The following DDB1 variants were observed in gnomAD, a reference collection of about 807,000 sequenced individuals.
DDB1 encodes the protein damage specific DNA binding protein 1, also known as DNA damage-binding protein 1.
In DDB1, 18 loss-of-function variants were observed where a neutral mutation model predicts 133.1. That is an observed-to-expected ratio of 0.14 (90% CI 0.09 to 0.20). DDB1 has a LOEUF of 0.20. DDB1 is among the 10% of genes least tolerant of loss of function. The pLI, the probability that DDB1 is intolerant of heterozygous loss-of-function variation, is 1.00. For synonymous variants in DDB1, 580 were observed against 550.5 expected (o/e 1.05, Z -0.75); for missense variants, 828 against 1,459.2 (o/e 0.57, Z 7.05).
At chr11:61,329,225 T>C (rs1434047008) in intron 4 of DDB1, 138 bp downstream of exon 4, 2 of 788,790 alleles carry the variant, frequency 2.5e-6, no homozygotes, top group Non-Finnish European at 4.3e-6. Context: ...CCATATTAAT[T>C]GTGTTGTTCA....
chr11:61,329,229 T>C (rs978804844), intron 4 of DDB1, 134 bp downstream of exon 4: 1 of 818,920 alleles, frequency 1.2e-6, no homozygotes, highest in Non-Finnish European at 2.0e-6. Flanking sequence ...ATTAATTGTG[T>C]TGTTCAAAAC....
At chr11:61,321,263 T>C (rs1856173103) in intron 10 of DDB1, 1 of 178,246 alleles carries the variant, frequency 5.6e-6, no homozygotes, top group African/African-American at 2.4e-5. Context: ...ACATTTATAC[T>C]TATATCTTCA....
intron 1 of DDB1, chr11:61,332,056 C>T (rs999463808): frequency 3.3e-5 from 6 of 181,216 alleles, no homozygotes; most frequent in Admixed American, 5.5e-5. Context: ...TTCACTTCTT[C>T]CAGTCTTCAT....
Position 61,310,418 on chromosome 11 carries a change from C to A in DDB1, c.2278G>T (p.Ala760Ser). The change falls in exon 19 of 27, where the codon GCT becomes TCT. Residue 760 changes from alanine to serine, a missense_variant and splice_region_variant. Coordinates refer to ENST00000301764, the MANE Select transcript of DDB1 (RefSeq NM_001923.5). The part of the protein sequence containing the change: ...TALRPSASTQ[A>S]LSSSVSSSKL... ...CTGGAGCTTACACTGCTGGACAGAG[C>A]CTGCAAACAGAGAGAATGCACATCA... is the stretch of plus-strand genomic sequence containing the variant. 2 of 1,596,524 alleles carry A rather than the reference C, an allele frequency of 1.3e-6. No individual in the cohort carries two copies. Among genetic ancestry groups the A allele is most frequent in the Non-Finnish European group, 1.7e-6 (2 of 1,173,400 alleles).
Position 61,324,118 on chromosome 11 carries a change from T to C in DDB1, c.782A>G (p.His261Arg). 6.2e-7 allele frequency: 1 copy of C among 1,614,136 alleles called. No homozygotes were observed. The highest frequency in any genetic ancestry group is 8.5e-7 in the Non-Finnish European group (1 of 1,180,018). The change falls in exon 7 of 27, where the codon CAC (histidine) becomes CGC (arginine). Residue 261 changes from histidine to arginine, a missense_variant. His to Arg is a conservative substitution (Grantham distance 29). This residue lies in a region of DDB1 where 210 missense variants were observed against 344.8 expected (regional missense o/e 0.61). Coordinates refer to ENST00000301764, the MANE Select transcript of DDB1 (RefSeq NM_001923.5). The part of the protein sequence containing the change: ...PIIKQSTIVC[H>R]NRVDPNGSRY... Reference sequence around the variant, plus strand: ...TGAGCCATTAGGGTCCACTCGATTGTGGCACACAATCGTGCTTTGCTGCCA... The same window carrying C: ...TGAGCCATTAGGGTCCACTCGATTGCGGCACACAATCGTGCTTTGCTGCCA...
chr11:61,303,247 G>A, intron 22 of DDB1, 92 bp from the exon 23 acceptor site: 1 of 1,130,570 alleles, frequency 8.8e-7, no homozygotes, highest in Non-Finnish European at 1.3e-6. Context: ...TCAGGAGCAA[G>A]GCCCCACCCT....
chr11:61,321,816 T>C (rs1856184908), intron 9 of DDB1, 119 bp from the exon 10 acceptor site: 3 of 864,856 alleles, frequency 3.5e-6, no homozygotes, highest in East Asian at 4.9e-5. Flanking sequence ...GGGGCTAGGT[T>C]TGAGGATGCA....
At chr11:61,329,302 C>CA in intron 4 of DDB1, 61 bp downstream of exon 4, 1 of 1,522,334 alleles carries the variant, frequency 6.6e-7, no homozygotes, top group Non-Finnish European at 9.1e-7. Context: ...TGCCAGTTAG[C>CA]AAAAACAACT....
chr11:61,331,503 C>G, intron 2 of DDB1, 40 bp downstream of exon 2: 1 of 1,597,656 alleles, frequency 6.3e-7, no homozygotes, highest in Non-Finnish European at 8.6e-7. Context: ...CTACGACCAA[C>G]AGTTCCCCCT....
chr11:61,323,943 A>G, intron 7 of DDB1, 36 bp downstream of exon 7: 1 of 1,612,400 alleles, frequency 6.2e-7, no homozygotes, highest in Non-Finnish European at 8.5e-7. Context: ...GGAACCTAAA[A>G]GAACATTGTA....
chr11:61,327,417 C>G (rs2134935966), intron 4 of DDB1: 1 of 156,338 alleles, frequency 6.4e-6, no homozygotes, highest in East Asian at 1.9e-4. Context: ...TGAGCTCCAG[C>G]CTGGGCGACC....
At chr11:61,332,551 C>T (rs1227692734) in intron 1 of DDB1, 1 of 211,522 alleles carries the variant, frequency 4.7e-6, no homozygotes, top group East Asian at 1.0e-4. Flanking sequence ...ATCTTGACCC[C>T]AAAGTCGTCA....
In DDB1 at chr11:61,309,833, G is replaced by C; in HGVS notation, c.2529C>G (p.Pro843=). Residue 843 remains proline (P), a synonymous_variant, in exon 20 of 27, where the codon CCC becomes CCG. Coordinates refer to ENST00000301764, the MANE Select transcript of DDB1 (RefSeq NM_001923.5). The part of the protein sequence containing the change: ...TAMVYPEEAE[P]KQGRIVVFQY... ...GAAAGACCACAATGCGACCCTGCTT[G>C]GGCTCTGCCTCTTCAGGATACACCA... The C allele has an allele frequency of 5.0e-6, 8 of 1,614,132 alleles. No homozygotes were observed. The highest frequency in any genetic ancestry group is 1.7e-4 in the Middle Eastern group (1 of 6,040).
chr11:61,302,542 G>A, intron 24 of DDB1, 40 bp downstream of exon 24: 7 of 1,610,740 alleles, frequency 4.3e-6, no homozygotes, highest in Non-Finnish European at 5.9e-6. Context: ...TATCAGGAAG[G>A]AGGCCTGTGT....
At chr11:61,324,331 T>C (rs557698112) in intron 6 of DDB1, 194 bp from the exon 7 acceptor site, 5 of 570,344 alleles carry the variant, frequency 8.8e-6, no homozygotes, top group South Asian at 4.4e-5. Flanking sequence ...ATTTTGAAGA[T>C]AATTTTCTGA....
At chr11:61,300,707 C>T in intron 26 of DDB1, 102 bp downstream of exon 26, 1 of 1,529,430 alleles carries the variant, frequency 6.5e-7, no homozygotes, top group Non-Finnish European at 8.9e-7. Flanking sequence ...GGTCCCCTCG[C>T]ATCTTGGAAC....
At chr11:61,322,153 T>C in intron 9 of DDB1, 143 bp downstream of exon 9, 1 of 717,196 alleles carries the variant, frequency 1.4e-6, no homozygotes. Context: ...CAATAAACAG[T>C]AGTTATCCTT....
rs757179069 is a variant in DDB1, at chr11:61,299,782, T to TAC, written c.*352_*353dup. Reference sequence around the variant, plus strand: ...ACAATGCATGAGTGTGAGATACACATACACACACACACATACACACACACA... The same window carrying TAC: ...ACAATGCATGAGTGTGAGATACACATACACACACACACACATACACACACACA... On this transcript the variant is annotated 3_prime_UTR_variant, in exon 27 of 27. Coordinates refer to ENST00000301764, the MANE Select transcript of DDB1 (RefSeq NM_001923.5). 35 of 340,958 alleles carry TAC rather than the reference T, an allele frequency of 1.0e-4. No homozygotes were observed. Among genetic ancestry groups the TAC allele is most frequent in the South Asian group, 6.8e-4 (23 of 33,854 alleles). 21.1% of individuals were successfully genotyped at this position (340,958 alleles called of 1,614,324 possible).
intron 23 of DDB1, 103 bp from the exon 24 acceptor site, chr11:61,302,854 G>C: frequency 6.8e-7 from 1 of 1,468,840 alleles, no homozygotes; most frequent in Non-Finnish European, 9.3e-7. Context: ...TCCCTGGGGA[G>C]CTGACATACT....
Sources: allele counts gnomAD v4.1 joint callset, GRCh38; gene constraint gnomAD v4.1.1; regional missense constraint gnomAD v4.1.1; transcripts MANE v1.5; gene names NCBI Gene and HGNC (gene_info 2026-07-23, HGNC 2026-07-21).